NRG3: variants seen among roughly 807,000 people sequenced by gnomAD.
NRG3 encodes the protein neuregulin 3.
In NRG3, 31 loss-of-function variants were observed where a neutral mutation model predicts 66.9. That is an observed-to-expected ratio of 0.46 (90% CI 0.35 to 0.63). NRG3 has a LOEUF of 0.63. Among genes scored for constraint, NRG3 ranks in the 20% least tolerant of loss-of-function variants. The probability of loss-of-function intolerance (pLI) is 0.00; values close to 1 mark genes in which losing one functional copy is unlikely to be tolerated. For missense variants in NRG3, 910 were observed against 878.9 expected (o/e 1.04, Z -0.45); for synonymous variants, 393 against 359.4 (o/e 1.09, Z -1.06).
At chr10:82,901,481 T>G (rs112640401) in intron 4 of NRG3, among the ~76,000 whole-genome samples, 3,423 of 152,246 alleles carry the variant, frequency 0.022, 140 homozygotes, top group African/African-American at 0.078. Flanking sequence ...GGTCCTGGAA[T>G]CTTTCCTACA....
At chr10:81,907,988 A>G (rs1844753083) in intron 1 of NRG3, among the ~76,000 whole-genome samples, 1 of 152,194 alleles carries the variant, frequency 6.6e-6, no homozygotes, top group Non-Finnish European at 1.5e-5. Flanking sequence ...CATCTTTGCT[A>G]GATGCTTTAG....
At chr10:82,233,131 G>A (rs1242268280) in intron 1 of NRG3, among the ~76,000 whole-genome samples, 1 of 152,184 alleles carries the variant, frequency 6.6e-6, no homozygotes, top group Non-Finnish European at 1.5e-5. Context: ...TCGGGAGGCC[G>A]AGGCAGGCGG....
intron 3 of NRG3, among the ~76,000 whole-genome samples, chr10:82,815,723 A>G (rs1320872813): frequency 6.6e-6 from 1 of 151,974 alleles, no homozygotes; most frequent in Admixed American, 6.5e-5. Flanking sequence ...CTGCCTAAGT[A>G]TTGCTCACAC....
chr10:82,555,893 G>T (rs1389699775), intron 2 of NRG3, among the ~76,000 whole-genome samples: 1 of 152,000 alleles, frequency 6.6e-6, no homozygotes, highest in Non-Finnish European at 1.5e-5. Flanking sequence ...TCTTCTACCT[G>T]TTGTTTTTCC....
intron 1 of NRG3, among the ~76,000 whole-genome samples, chr10:82,341,344 T>A (rs2135393206): frequency 6.6e-6 from 1 of 152,242 alleles, no homozygotes; most frequent in East Asian, 1.9e-4. Context: ...GAGATTTCTT[T>A]ATGGAGTTGG....
At chr10:82,100,861 G>A (rs2066687836) in intron 1 of NRG3, among the ~76,000 whole-genome samples, 1 of 119,234 alleles carries the variant, frequency 8.4e-6, no homozygotes, top group Non-Finnish European at 2.1e-5. Context: ...TTTTTATTAG[G>A]AAGATTTTTT....
chr10:82,711,444 C>T (rs2056659813), intron 2 of NRG3, among the ~76,000 whole-genome samples: 1 of 151,884 alleles, frequency 6.6e-6, no homozygotes, highest in Non-Finnish European at 1.5e-5. Flanking sequence ...GTATTATTCT[C>T]TAGCTTAAAT....
Position 82,362,548 on chromosome 10 carries a change from G to GTTTTTTTTTTTTTTT in NRG3, c.953+3687_953+3701dup, listed in dbSNP as rs10694679. On this transcript the variant is annotated intron_variant, in intron 2 of 8. Coordinates refer to ENST00000372141, the MANE Select transcript of NRG3 (RefSeq NM_001010848.4). ...ACCACCATGCCCAGATAATTTCTGG[G>GTTTTTTTTTTTTTTT]TTTTTTTTTTTTTTTTTTTTTCGTA... Among the ~76,000 whole-genome samples, 520 of 83,190 alleles carry GTTTTTTTTTTTTTTT rather than the reference G, an allele frequency of 6.3e-3. 87 individuals carry two copies. Among genetic ancestry groups the GTTTTTTTTTTTTTTT allele is most frequent in the East Asian group, 0.018 (49 of 2,658 alleles). 54.6% of individuals were successfully genotyped at this position (83,190 alleles called of 152,430 possible). A position where few individuals can be genotyped will look rare whatever the true frequency, so the allele number is the denominator to read the frequency against.
At chr10:82,181,766 A>G (rs780913103) in intron 1 of NRG3, among the ~76,000 whole-genome samples, 1 of 151,768 alleles carries the variant, frequency 6.6e-6, no homozygotes, top group Non-Finnish European at 1.5e-5. Context: ...ATTTGTTTAT[A>G]AGGCCCATTT....
In NRG3 at chr10:82,020,296, T is replaced by C. The variant is rs374560074; in HGVS notation, c.823+144133T>C. ...ATATTTTGTAATTTTCACTTCTCCTTTCCATAAACTGCCTTGTTTAATTCC... is the reference window on the plus strand; with the variant it reads ...ATATTTTGTAATTTTCACTTCTCCTCTCCATAAACTGCCTTGTTTAATTCC... On this transcript the variant is annotated intron_variant, in intron 1 of 8. Coordinates refer to ENST00000372141, the MANE Select transcript of NRG3 (RefSeq NM_001010848.4). 6.3e-4 allele frequency among the ~76,000 whole-genome samples: 96 copies of C among 152,242 alleles called. 1 individual carries two copies. The highest frequency in any genetic ancestry group is 2.2e-3 in the African/African-American group (90 of 41,568).
At position 82,818,088 on chromosome 10, in the gene NRG3, G is replaced by A. The variant is rs118127986; in HGVS notation, c.1028-47323G>A. ...GCCACGCATGGGCTGTTGGCTAGCT[G>A]CATTTATACCCACTATTAATTGTAT... On this transcript the variant is annotated intron_variant, in intron 3 of 8. Coordinates refer to ENST00000372141, the MANE Select transcript of NRG3 (RefSeq NM_001010848.4). Among the ~76,000 whole-genome samples the A allele has an allele frequency of 8.7e-3, 1,323 of 152,336 alleles. 50 individuals are homozygous for A. In the East Asian group the frequency reaches 0.11, roughly 12 times the overall value.
intron 3 of NRG3, among the ~76,000 whole-genome samples, chr10:82,749,058 T>C (rs555437551): frequency 9.3e-4 from 141 of 152,252 alleles, no homozygotes; most frequent in African/African-American, 3.2e-3. Flanking sequence ...TGTGGTGTCT[T>C]CTAACAAATT....
chr10:82,107,298 C>G (rs1052911828), intron 1 of NRG3, among the ~76,000 whole-genome samples: 3 of 152,180 alleles, frequency 2.0e-5, no homozygotes, highest in Non-Finnish European at 4.4e-5. Flanking sequence ...GATGATTCAA[C>G]TTGTACCAGA....
chr10:81,882,396 AAT>A (rs979226078), intron 1 of NRG3, among the ~76,000 whole-genome samples: 13 of 152,246 alleles, frequency 8.5e-5, no homozygotes, highest in African/African-American at 2.9e-4. Flanking sequence ...AAGGGTAACA[AAT>A]ATATGTGTGT....
intron 2 of NRG3, among the ~76,000 whole-genome samples, chr10:82,626,789 C>A (rs1224226698): frequency 6.6e-6 from 1 of 152,016 alleles, no homozygotes; most frequent in African/African-American, 2.4e-5. Context: ...AGAGCAGAGG[C>A]CCGTACAAAC....
intron 1 of NRG3, among the ~76,000 whole-genome samples, chr10:82,045,482 A>T (rs2063238338): frequency 1.7e-5 from 1 of 59,596 alleles, no homozygotes; most frequent in Non-Finnish European, 4.0e-5. Context: ...TTGTCAGATG[A>T]GTAGGTTGTG....
chr10:82,876,648 A>T (rs1841844462), intron 4 of NRG3, among the ~76,000 whole-genome samples: 1 of 152,210 alleles, frequency 6.6e-6, no homozygotes, highest in Non-Finnish European at 1.5e-5. Flanking sequence ...GTGAGTTGGT[A>T]GTAGGTTCTG....
At chr10:82,938,782 G>A (rs1848317357) in intron 4 of NRG3, among the ~76,000 whole-genome samples, 1 of 152,162 alleles carries the variant, frequency 6.6e-6, no homozygotes, top group Non-Finnish European at 1.5e-5. Context: ...AAACCGCTGG[G>A]TCAGATTCTC....
intron 4 of NRG3, among the ~76,000 whole-genome samples, chr10:82,929,851 G>C (rs530613087): frequency 2.0e-5 from 3 of 150,096 alleles, no homozygotes; most frequent in Non-Finnish European, 3.0e-5. Context: ...ACTCCAGCCT[G>C]GGAGACAGAC....
Sources: allele counts gnomAD v4.1 joint callset (sites outside exome capture counted in the v4.1 genomes callset), GRCh38; gene constraint gnomAD v4.1.1; transcripts MANE v1.5; gene names NCBI Gene and HGNC (gene_info 2026-07-23, HGNC 2026-07-21).